The following JAZF1 variants were observed in gnomAD, a reference collection of about 807,000 sequenced individuals.
JAZF1 encodes JAZF zinc finger 1, also known as juxtaposed with another zinc finger protein 1.
JAZF1 carries 8 observed loss-of-function variants against 26.4 expected under a neutral mutation model. That is an observed-to-expected ratio of 0.30 (90% CI 0.18 to 0.55). JAZF1 has a LOEUF of 0.55. Among genes scored for constraint, JAZF1 ranks in the 20% least tolerant of loss-of-function variants. The pLI is 0.94. For synonymous variants in JAZF1, 126 were observed against 122.3 expected, an observed-to-expected ratio of 1.03 and a Z score of -0.20; for missense variants, 199 against 322.0, an observed-to-expected ratio of 0.62 and a Z score of 2.92.
At position 28,049,876 on chromosome 7, in the gene JAZF1, C is replaced by A. The variant is rs545033642; in HGVS notation, c.116-57895G>T. On this transcript the variant is annotated intron_variant, in intron 1 of 4. Transcript: ENST00000283928. The stretch of plus-strand genomic sequence containing the variant: ...CCATCCCAGCACCTTTCTATGTTCA[C>A]CACCCCAGAAGCTCTCAGAGCCCCA... 2.5e-4 allele frequency among the ~76,000 whole-genome samples: 38 copies of A among 152,274 alleles called. 1 individual carries two copies. The South Asian group carries it at 7.3e-3, about 29-fold the overall frequency.
chr7:27,901,557 T>C (rs1400348262), intron 2 of JAZF1, among the ~76,000 whole-genome samples: 1 of 152,192 alleles, frequency 6.6e-6, no homozygotes, highest in African/African-American at 2.4e-5. Flanking sequence ...AAAAATCACT[T>C]GGCTTTCACT....
At chr7:27,969,299 C>T (rs528134958) in intron 2 of JAZF1, among the ~76,000 whole-genome samples, 5 of 152,212 alleles carry the variant, frequency 3.3e-5, no homozygotes, top group African/African-American at 1.2e-4. Context: ...TGCTGAATAT[C>T]TCATTAGGGG....
intron 2 of JAZF1, among the ~76,000 whole-genome samples, chr7:27,952,474 C>T (rs1214526007): frequency 1.3e-5 from 2 of 152,248 alleles, no homozygotes; most frequent in Non-Finnish European, 1.5e-5. Context: ...CCTATGAGTA[C>T]AAAATTACAT....
At chr7:28,091,912 A>C (rs1784303521) in intron 1 of JAZF1, among the ~76,000 whole-genome samples, 1 of 152,188 alleles carries the variant, frequency 6.6e-6, no homozygotes, top group Non-Finnish European at 1.5e-5. Context: ...AAAACCTTGT[A>C]AAATCAACTT....
chr7:28,090,036 T>A lies in JAZF1; in HGVS notation c.115+90427A>T, dbSNP rs921981691. 5.3e-5 allele frequency among the ~76,000 whole-genome samples: 8 copies of A among 152,350 alleles called. No homozygotes were observed. The East Asian group carries it at 1.3e-3, about 26-fold the overall frequency. On this transcript the variant is annotated intron_variant, in intron 1 of 4. Transcript: ENST00000283928. ...CCCAAGAAGTTAACCACAGGTACCA[T>A]CAAATCCAGTATGGTGCCATTGTCA...
intron 1 of JAZF1, among the ~76,000 whole-genome samples, chr7:28,022,366 C>T (rs950482265): frequency 6.6e-6 from 1 of 152,208 alleles, no homozygotes; most frequent in East Asian, 1.9e-4. Context: ...GCAGTTGGCA[C>T]CACCTTTTCC....
At chr7:28,046,904 T>G (rs1481640095) in intron 1 of JAZF1, among the ~76,000 whole-genome samples, 1 of 152,206 alleles carries the variant, frequency 6.6e-6, no homozygotes, top group East Asian at 1.9e-4. Context: ...TTCACATATT[T>G]TTCTCCCAGT....
chr7:28,113,472 C>G (rs1784695082), intron 1 of JAZF1, among the ~76,000 whole-genome samples: 1 of 152,188 alleles, frequency 6.6e-6, no homozygotes. Flanking sequence ...GGACATACTC[C>G]TCTCTGACCT....
At chr7:28,073,079 A>G (rs1237927402) in intron 1 of JAZF1, among the ~76,000 whole-genome samples, 1 of 152,186 alleles carries the variant, frequency 6.6e-6, no homozygotes, top group Non-Finnish European at 1.5e-5. Flanking sequence ...GCAGTGGGCA[A>G]TGTGTGACCC....
intron 2 of JAZF1, among the ~76,000 whole-genome samples, chr7:27,903,572 C>T (rs1784203115): frequency 6.6e-6 from 1 of 152,208 alleles, no homozygotes; most frequent in South Asian, 2.1e-4. Context: ...ACAATAACTA[C>T]TCATGAACAG....
intron 1 of JAZF1, among the ~76,000 whole-genome samples, chr7:28,050,403 T>A (rs1783592438): frequency 1.3e-5 from 2 of 152,130 alleles, no homozygotes; most frequent in Admixed American, 1.3e-4. Context: ...ATGTCCTGAT[T>A]TTAGACAGTG....
At chr7:27,854,047 C>T (rs1407337734) in intron 3 of JAZF1, among the ~76,000 whole-genome samples, 3 of 141,464 alleles carry the variant, frequency 2.1e-5, no homozygotes, top group East Asian at 5.9e-4. Flanking sequence ...TATGAATCTG[C>T]ATGCTCCTGT....
At chr7:27,986,897 T>A (rs1032979126) in intron 2 of JAZF1, among the ~76,000 whole-genome samples, 1 of 152,156 alleles carries the variant, frequency 6.6e-6, no homozygotes, top group African/African-American at 2.4e-5. Flanking sequence ...CTGTGAGTGA[T>A]CTGCCCGCCT....
chr7:28,016,634 A>G (rs1782898346), intron 1 of JAZF1, among the ~76,000 whole-genome samples: 1 of 151,832 alleles, frequency 6.6e-6, no homozygotes, highest in South Asian at 2.1e-4. Flanking sequence ...CAAATACATC[A>G]CCCTCATGTA....
chr7:27,895,199 C>G, intron 3 of JAZF1, 21 bp downstream of exon 3: 1 of 1,527,582 alleles, frequency 6.5e-7, no homozygotes, highest in African/African-American at 1.4e-5. Context: ...CTTCTCAAGG[C>G]GGTAGGGCCA....
chr7:28,149,028 C>G (rs1282129577), intron 1 of JAZF1, among the ~76,000 whole-genome samples: 1 of 152,184 alleles, frequency 6.6e-6, no homozygotes, highest in African/African-American at 2.4e-5. Flanking sequence ...AATCTTTCCC[C>G]CAATCCAAAG....
chr7:28,160,520 G>C (rs2127951500), intron 1 of JAZF1, among the ~76,000 whole-genome samples: 1 of 152,252 alleles, frequency 6.6e-6, no homozygotes, highest in East Asian at 1.9e-4. Flanking sequence ...TGTTGGGTGA[G>C]ATGTCCTCAA....
chr7:27,832,181 A>G lies in JAZF1; in HGVS notation c.*619T>C, dbSNP rs560776400. On this transcript the variant is annotated 3_prime_UTR_variant, in exon 5 of 5. Transcript: ENST00000283928. ...AAGATTTTCAGCTTTTTAAAGGGCA[A>G]AAGGATTTGCAAGATAATATAAAAC... 33 of 211,606 alleles carry G rather than the reference A, an allele frequency of 1.6e-4. No homozygotes were observed. The highest frequency in any genetic ancestry group is 6.7e-4 in the African/African-American group (29 of 43,578). The allele number at this position is 211,606 out of a possible 1,614,324, so 13.1% of individuals were successfully genotyped here.
chr7:27,929,987 T>C (rs13222227), intron 2 of JAZF1, among the ~76,000 whole-genome samples: 1 of 151,034 alleles, frequency 6.6e-6, no homozygotes, highest in Non-Finnish European at 1.5e-5. Context: ...TCCCTCTCTC[T>C]CTCTCTCTCT....
Sources: gnomAD v4.1 joint callset for allele counts (sites outside exome capture counted in the v4.1 genomes callset) on GRCh38, gnomAD v4.1.1 for gene constraint, MANE v1.5 for transcripts, NCBI Gene and HGNC (gene_info 2026-07-23, HGNC 2026-07-21) for gene names.